The following ASXL3 variants were observed in gnomAD, a reference collection of about 807,000 sequenced individuals.
ASXL3 encodes ASXL transcriptional regulator 3.
Under a neutral mutation model 170.6 loss-of-function variants are expected in ASXL3, and 34 were observed. That is an observed-to-expected ratio of 0.20 (90% CI 0.15 to 0.27). The LOEUF (loss-of-function observed/expected upper bound fraction) is 0.27. Ranked by LOEUF, ASXL3 falls within the 10% of genes least tolerant of loss-of-function variation. ASXL3 has a pLI of 1.00. For synonymous variants in ASXL3, 1,002 were observed against 989.1 expected (o/e 1.01, Z -0.24); for missense variants, 2,592 against 2,695.3 (o/e 0.96, Z 0.85).
At chr18:33,729,140 T>G (rs1270855499) in intron 8 of ASXL3, among the ~76,000 whole-genome samples, 1 of 152,146 alleles carries the variant, frequency 6.6e-6, no homozygotes, top group African/African-American at 2.4e-5. Flanking sequence ...ACAAGAACTG[T>G]AGGACAGGTC....
At chr18:33,639,279 T>C (rs1037173656) in intron 2 of ASXL3, among the ~76,000 whole-genome samples, 2 of 152,148 alleles carry the variant, frequency 1.3e-5, no homozygotes. Flanking sequence ...TCAAGGGACC[T>C]GTGACCTAGA....
At position 33,738,748 on chromosome 18, in the gene ASXL3, T is replaced by A; in HGVS notation, c.1344T>A (p.Ser448=). ...ESEDILIPEE[S]VIQEEIAEEV... is the part of the protein sequence containing the mutation. The stretch of plus-strand genomic sequence containing the variant: ...AGGATATCTTGATCCCTGAAGAATC[T>A]GTAATTCAGGAGGAAATTGCAGAAG... Residue 448 remains serine, a synonymous_variant, in exon 11 of 12, where the codon TCT becomes TCA. Transcript: ENST00000269197. The A allele has an allele frequency of 6.2e-7, 1 of 1,613,998 alleles. No homozygotes were observed. The highest frequency in any genetic ancestry group is 1.3e-5 in the African/African-American group (1 of 75,070).
In ASXL3 at chr18:33,749,693, TATATA is replaced by T. The variant is rs2067853905; in HGVS notation, c.*3103_*3107del. ...ATTTTGGTGAACTGAGCACCATAGT[TATATA>T]ATATTTCCCTGCGAAGGTCTAGTTT... is the stretch of plus-strand genomic sequence containing the variant. On this transcript the variant is annotated 3_prime_UTR_variant, in exon 12 of 12. Transcript: ENST00000269197. 6.6e-6 allele frequency: 1 copy of T among 152,084 alleles called. No individual in the cohort carries two copies. Among genetic ancestry groups the T allele is most frequent in the South Asian group, 2.1e-4 (1 of 4,826 alleles). The allele number at this position is 152,084 out of a possible 1,614,324, so 9.4% of individuals were successfully genotyped here. A position where few individuals can be genotyped will look rare whatever the true frequency, so the allele number is the denominator to read the frequency against.
chr18:33,596,805 T>TTTCA (rs1273361927), intron 1 of ASXL3, among the ~76,000 whole-genome samples: 2 of 152,158 alleles, frequency 1.3e-5, no homozygotes, highest in East Asian at 1.9e-4. Flanking sequence ...TCTCTCTCTG[T>TTTCA]TTCATTCATT....
At chr18:33,587,114 C>A (rs1233022032) in intron 1 of ASXL3, among the ~76,000 whole-genome samples, 2 of 152,148 alleles carry the variant, frequency 1.3e-5, no homozygotes, top group East Asian at 3.8e-4. Context: ...CTGAATCATT[C>A]CTGTTTAAAA....
intron 9 of ASXL3, among the ~76,000 whole-genome samples, chr18:33,733,294 T>C (rs1018845668): frequency 9.2e-5 from 14 of 152,174 alleles, no homozygotes; most frequent in African/African-American, 2.4e-4. Flanking sequence ...ATGCCTAATA[T>C]TAAATTCACG....
chr18:33,699,885 TTATTTA>T, intron 8 of ASXL3, among the ~76,000 whole-genome samples: 1 of 152,220 alleles, frequency 6.6e-6, no homozygotes, highest in African/African-American at 2.4e-5. Flanking sequence ...ACATTATTTT[TTATTTA>T]TATTATTGAG....
At chr18:33,623,867 C>A (rs1227999680) in intron 2 of ASXL3, among the ~76,000 whole-genome samples, 5 of 152,096 alleles carry the variant, frequency 3.3e-5, no homozygotes, top group Admixed American at 2.6e-4. Flanking sequence ...ATATTAACGA[C>A]TAATGTTGGG....
rs1391491519 is a variant in ASXL3 at position 33,739,288 on chromosome 18, A to G, written c.1884A>G (p.Pro628=). The change falls in exon 11 of 12, where the codon CCA becomes CCG. Residue 628 remains proline, a synonymous_variant. Transcript: ENST00000269197. ...PEGACTSLPS[P]GGETQSTSEE... The stretch of plus-strand genomic sequence containing the variant: ...GAGCCTGTACCAGCCTGCCTTCTCC[A>G]GGAGGGGAAACACAGTCCACATCAG... The G allele has an allele frequency of 1.9e-6, 3 of 1,613,642 alleles. No homozygotes were observed. In the Admixed American group the frequency reaches 5.0e-5, roughly 27 times the overall value.
rs1406973263 is a variant in ASXL3, at chr18:33,740,301, C to G, written c.2897C>G (p.Thr966Ser). ...SRDSEISKRK[T>S]AEQHSFGICK... is the part of the protein sequence containing the mutation. ...GATTCAGAGATATCAAAGAGAAAAA[C>G]TGCAGAGCAACACAGCTTTGGAATC... Residue 966 changes from threonine to serine, a missense_variant, in exon 11 of 12, where the codon ACT becomes AGT. Transcript: ENST00000269197. 2 of 1,612,074 alleles carry G rather than the reference C, an allele frequency of 1.2e-6. No individual in the cohort carries two copies. Among genetic ancestry groups the G allele is most frequent in the Non-Finnish European group, 1.7e-6 (2 of 1,178,928 alleles).
chr18:33,627,715 G>T (rs1468303628), intron 2 of ASXL3, among the ~76,000 whole-genome samples: 1 of 152,108 alleles, frequency 6.6e-6, no homozygotes, highest in East Asian at 1.9e-4. Flanking sequence ...AAATTGGGTT[G>T]TAGTTTTAAG....
In ASXL3 at chr18:33,670,731, T is replaced by C. The variant is rs867639580; in HGVS notation, c.536T>C (p.Val179Ala). The C allele has an allele frequency of 6.4e-7, 1 of 1,569,810 alleles. No individual in the cohort carries two copies. The highest frequency in any genetic ancestry group is 2.3e-5 in the East Asian group (1 of 42,770). ...GTCTCAATGATGGTAAACAAGACTG[T>C]TCCTCGTGTTGTTTTGACACCATTA... ...NGVSMMVNKT[V>A]PRVVLTPLKV... The change falls in exon 6 of 12, where the codon GTT becomes GCT. Residue 179 changes from valine to alanine, a missense_variant. Physicochemically the swap from Val to Ala is moderately conservative, Grantham distance 64. Around this residue, in one of 4 missense-constraint regions of ASXL3, gnomAD observed 251 missense variants for 281.9 expected, o/e 0.89. Coordinates refer to ENST00000269197, the MANE Select transcript of ASXL3 (RefSeq NM_030632.3).
At chr18:33,678,028 T>A (rs1207616406) in intron 7 of ASXL3, among the ~76,000 whole-genome samples, 1 of 152,188 alleles carries the variant, frequency 6.6e-6, no homozygotes. Context: ...TAACTGGGAC[T>A]ACAGGCATGC....
intron 8 of ASXL3, among the ~76,000 whole-genome samples, chr18:33,730,875 T>G (rs1163335101): frequency 2.6e-5 from 4 of 152,162 alleles, no homozygotes; most frequent in African/African-American, 7.2e-5. Flanking sequence ...AAATCCTGCC[T>G]GAAAATTTTC....
intron 1 of ASXL3, among the ~76,000 whole-genome samples, chr18:33,588,636 G>A (rs113966841): frequency 2.6e-4 from 40 of 152,182 alleles, no homozygotes; most frequent in African/African-American, 9.2e-4. Context: ...CCATGTTGAA[G>A]ATTAAAATAC....
intron 3 of ASXL3, among the ~76,000 whole-genome samples, chr18:33,645,514 A>G (rs778766632): frequency 1.3e-5 from 2 of 152,010 alleles, no homozygotes; most frequent in Non-Finnish European, 2.9e-5. Context: ...AGAGAGAAAT[A>G]AAAGCTTCAG....
intron 9 of ASXL3, among the ~76,000 whole-genome samples, chr18:33,732,860 CA>C (rs58760847): frequency 0.16 from 21,645 of 134,454 alleles, 2,586 homozygotes; most frequent in African/African-American, 0.35. Flanking sequence ...CACCCTGTCT[CA>C]AAAAAAAAAA....
intron 5 of ASXL3, among the ~76,000 whole-genome samples, chr18:33,661,972 AT>A (rs2145233913): frequency 6.6e-6 from 1 of 152,278 alleles, no homozygotes; most frequent in Admixed American, 6.5e-5. Flanking sequence ...CACTGAAAAT[AT>A]GTAAAAATTT....
intron 8 of ASXL3, among the ~76,000 whole-genome samples, chr18:33,696,455 C>T (rs908930678): frequency 3.9e-5 from 6 of 152,028 alleles, no homozygotes; most frequent in Non-Finnish European, 5.9e-5. Flanking sequence ...GTCATGGAAC[C>T]TAGGGGAAGA....
Sources: allele counts gnomAD v4.1 joint callset (sites outside exome capture counted in the v4.1 genomes callset), GRCh38; gene constraint gnomAD v4.1.1; regional missense constraint gnomAD v4.1.1; transcripts MANE v1.5; gene names NCBI Gene and HGNC (gene_info 2026-07-23, HGNC 2026-07-21).